The following ALG8 variants were observed in gnomAD, a reference collection of about 807,000 sequenced individuals.
ALG8 encodes ALG8 alpha-1,3-glucosyltransferase.
Under a neutral mutation model 70.2 loss-of-function variants are expected in ALG8, and 48 were observed. That is an observed-to-expected ratio of 0.68 (90% CI 0.54 to 0.87). The LOEUF (loss-of-function observed/expected upper bound fraction) is 0.87. ALG8 is among the 40% of genes least tolerant of loss of function. The probability of loss-of-function intolerance (pLI) is 0.00; values close to 1 mark genes in which losing one functional copy is unlikely to be tolerated. For synonymous variants in ALG8, 234 were observed against 229.0 expected, an observed-to-expected ratio of 1.02 and a Z score of -0.20; for missense variants, 572 against 608.7, an observed-to-expected ratio of 0.94 and a Z score of 0.64.
intron 9 of ALG8, 72 bp from the exon 10 acceptor site, chr11:78,107,018 A>G (rs1860064245): frequency 1.3e-6 from 2 of 1,563,812 alleles, no homozygotes; most frequent in Admixed American, 1.7e-5. Flanking sequence ...GTTCAGGTGA[A>G]TACAATTTGC....
At chr11:78,134,266 T>C (rs537447259) in intron 1 of ALG8, among the ~76,000 whole-genome samples, 1 of 152,158 alleles carries the variant, frequency 6.6e-6, no homozygotes, top group East Asian at 1.9e-4. Flanking sequence ...GCCTCCTAAG[T>C]GGCTGGGATC....
At chr11:78,132,927 T>C (rs984707088) in intron 1 of ALG8, among the ~76,000 whole-genome samples, 1 of 150,052 alleles carries the variant, frequency 6.7e-6, no homozygotes, top group Non-Finnish European at 1.5e-5. Flanking sequence ...AGCTCCGCCT[T>C]CCGGGTTCAT....
chr11:78,109,590 C>T lies in ALG8; in HGVS notation c.899-9G>A, dbSNP rs1860190325. On this transcript the variant is annotated splice_polypyrimidine_tract_variant and intron_variant, in intron 8 of 12. Transcript: ENST00000299626. ...AAATTTCAATTTCAAACCTATTAAACAGATATTTTGTTTTGTTTTATTTTT... is the reference window on the plus strand; with the variant it reads ...AAATTTCAATTTCAAACCTATTAAATAGATATTTTGTTTTGTTTTATTTTT... 6.2e-7 allele frequency: 1 copy of T among 1,611,466 alleles called. No homozygotes were observed. Among genetic ancestry groups the T allele is most frequent in the Admixed American group, 1.7e-5 (1 of 60,002 alleles).
intron 1 of ALG8, among the ~76,000 whole-genome samples, chr11:78,137,961 A>G (rs1340602856): frequency 6.6e-6 from 1 of 152,216 alleles, no homozygotes; most frequent in Non-Finnish European, 1.5e-5. Context: ...AGTGCAATAA[A>G]GCAAAGTACA....
chr11:78,128,415 A>G (rs1357111085), intron 1 of ALG8, among the ~76,000 whole-genome samples: 2 of 152,068 alleles, frequency 1.3e-5, no homozygotes, highest in Non-Finnish European at 1.5e-5. Context: ...CCTTTCCACA[A>G]TGACAACTTT....
chr11:78,138,212 G>T (rs1294220701), intron 1 of ALG8, among the ~76,000 whole-genome samples: 3 of 152,046 alleles, frequency 2.0e-5, no homozygotes, highest in African/African-American at 7.2e-5. Flanking sequence ...AGCCTGGCGC[G>T]GTGGTGCAAG....
Sources: gnomAD v4.1 joint callset for allele counts (sites outside exome capture counted in the v4.1 genomes callset) on GRCh38, gnomAD v4.1.1 for gene constraint, MANE v1.5 for transcripts, NCBI Gene and HGNC (gene_info 2026-07-23, HGNC 2026-07-21) for gene names.